Variants in TMEM182 observed in about 807,000 individuals in gnomAD.
TMEM182 encodes the protein transmembrane protein 182.
In TMEM182, 20 loss-of-function variants were observed where a neutral mutation model predicts 26.8. The ratio of observed to expected loss-of-function variants is 0.75; its 90% confidence interval spans 0.53 to 1.09. The LOEUF (loss-of-function observed/expected upper bound fraction) is 1.09. TMEM182 is among the 50% of genes least tolerant of loss of function. The pLI is 0.00. For missense variants in TMEM182, 277 were observed against 275.5 expected (o/e 1.01, Z -0.04); for synonymous variants, 109 against 102.2 (o/e 1.07, Z -0.40).
At chr2:102,738,324 G>A (rs1679426994) in intron 1 of TMEM182, among the ~76,000 whole-genome samples, 1 of 152,204 alleles carries the variant, frequency 6.6e-6, no homozygotes, top group Non-Finnish European at 1.5e-5. Context: ...GCCAGGCGCG[G>A]TGGCTCACAC....
chr2:102,740,928 C>G (rs1422166501), intron 1 of TMEM182, among the ~76,000 whole-genome samples: 1 of 152,130 alleles, frequency 6.6e-6, no homozygotes. Flanking sequence ...TGAATCTCAA[C>G]ATAATTATGC....
At chr2:102,783,051 A>G (rs1480066533) in intron 3 of TMEM182, among the ~76,000 whole-genome samples, 2 of 152,172 alleles carry the variant, frequency 1.3e-5, no homozygotes, top group Admixed American at 1.3e-4. Context: ...ATGGAAAGCA[A>G]AGTGTTAACT....
chr2:102,767,528 G>T (rs34767678), intron 3 of TMEM182, among the ~76,000 whole-genome samples: 6,173 of 152,220 alleles, frequency 0.041, 197 homozygotes, highest in Non-Finnish European at 0.059. Context: ...AACCCTGAGA[G>T]AATTAATTTT....
chr2:102,788,456 C>T (rs1306915941), intron 3 of TMEM182, among the ~76,000 whole-genome samples: 1 of 152,048 alleles, frequency 6.6e-6, no homozygotes, highest in African/African-American at 2.4e-5. Flanking sequence ...GTACACAGGA[C>T]CTCAGTCCCC....
intron 3 of TMEM182, among the ~76,000 whole-genome samples, chr2:102,797,517 G>A (rs1681919008): frequency 6.6e-6 from 1 of 152,126 alleles, no homozygotes; most frequent in Admixed American, 6.5e-5. Context: ...ACCCAACTGG[G>A]TACTTAAATG....
At chr2:102,813,676 G>A (rs149630515) in intron 4 of TMEM182, among the ~76,000 whole-genome samples, 116 of 152,226 alleles carry the variant, frequency 7.6e-4, no homozygotes, top group Non-Finnish European at 1.2e-3. Context: ...TGGCAATTAC[G>A]GTAACAGTTA....
chr2:102,794,759 T>C (rs1457906981), intron 3 of TMEM182, among the ~76,000 whole-genome samples: 1 of 152,232 alleles, frequency 6.6e-6, no homozygotes, highest in African/African-American at 2.4e-5. Context: ...AATTTTATTA[T>C]TATGTGTCTT....
At chr2:102,826,329 T>G (rs1163214391) in intron 3 of TMEM182, among the ~76,000 whole-genome samples, 1 of 144,082 alleles carries the variant, frequency 6.9e-6, no homozygotes, top group Non-Finnish European at 1.5e-5. Context: ...TTTAACAAAG[T>G]TCCCAATCGA....
At chr2:102,805,400 G>A (rs2043129703) in intron 4 of TMEM182, among the ~76,000 whole-genome samples, 2 of 152,170 alleles carry the variant, frequency 1.3e-5, no homozygotes. Context: ...TTTCTTTGGA[G>A]AGAGCCATTG....
intron 3 of TMEM182, among the ~76,000 whole-genome samples, chr2:102,824,372 C>A (rs1682990099): frequency 6.6e-6 from 1 of 152,194 alleles, no homozygotes; most frequent in Admixed American, 6.5e-5. Flanking sequence ...GAATCATAAT[C>A]CCCAGTGTTG....
chr2:102,763,089 G>A (rs188769073), intron 2 of TMEM182, among the ~76,000 whole-genome samples: 1 of 152,056 alleles, frequency 6.6e-6, no homozygotes, highest in Non-Finnish European at 1.5e-5. Context: ...AAATAGAGAT[G>A]TATTATTTTA....
At chr2:102,826,209 G>A (rs577168541) in intron 3 of TMEM182, among the ~76,000 whole-genome samples, 2 of 152,020 alleles carry the variant, frequency 1.3e-5, no homozygotes, top group African/African-American at 2.4e-5. Flanking sequence ...AAGCCTACCC[G>A]GATGCCCTCG....
intron 3 of TMEM182, among the ~76,000 whole-genome samples, chr2:102,824,874 C>G (rs1444720731): frequency 2.0e-5 from 3 of 152,092 alleles, no homozygotes; most frequent in South Asian, 2.1e-4. Flanking sequence ...CTTTCGCCTT[C>G]TGCCATGATT....
chr2:102,821,973 GC>G (rs1257165854), downstream of TMEM182, among the ~76,000 whole-genome samples: 1 of 145,186 alleles, frequency 6.9e-6, no homozygotes, highest in East Asian at 2.0e-4. Flanking sequence ...GGGCAACAGA[GC>G]AAGACTCTGT....
intron 3 of TMEM182, among the ~76,000 whole-genome samples, chr2:102,827,758 A>G (rs1683063496): frequency 6.6e-6 from 1 of 152,224 alleles, no homozygotes; most frequent in South Asian, 2.1e-4. Context: ...ATTCGAGAAA[A>G]ACAAACAAGC....
chr2:102,751,015 C>G (rs1679860747), intron 1 of TMEM182, among the ~76,000 whole-genome samples: 1 of 152,144 alleles, frequency 6.6e-6, no homozygotes, highest in Non-Finnish European at 1.5e-5. Flanking sequence ...CTTCACTGTG[C>G]ATGCTCAGAG....
chr2:102,819,292 T>C (rs1039497373), downstream of TMEM182, among the ~76,000 whole-genome samples: 1 of 152,148 alleles, frequency 6.6e-6, no homozygotes, highest in African/African-American at 2.4e-5. Flanking sequence ...CAAAGAGTGA[T>C]GTGTAAAGAA....
At chr2:102,802,189 A>G (rs966316794) in intron 4 of TMEM182, among the ~76,000 whole-genome samples, 1 of 152,194 alleles carries the variant, frequency 6.6e-6, no homozygotes, top group African/African-American at 2.4e-5. Context: ...TTCTATGACC[A>G]TTGCTGGGTA....
At chr2:102,827,795 G>A (rs181496951) in intron 3 of TMEM182, among the ~76,000 whole-genome samples, 13 of 152,314 alleles carry the variant, frequency 8.5e-5, no homozygotes, top group African/African-American at 2.4e-4. Flanking sequence ...TGGCTAATAC[G>A]TACACTGGAT....
Sources: gnomAD v4.1 joint callset for allele counts (sites outside exome capture counted in the v4.1 genomes callset) on GRCh38, gnomAD v4.1.1 for gene constraint, MANE v1.5 for transcripts, NCBI Gene and HGNC (gene_info 2026-07-23, HGNC 2026-07-21) for gene names.